Variants in MACO1 observed in about 807,000 individuals in gnomAD.
MACO1 encodes the protein macoilin.
In MACO1, 14 loss-of-function variants were observed where a neutral mutation model predicts 78.7. That is an observed-to-expected ratio of 0.18 (90% CI 0.12 to 0.28). MACO1 has a LOEUF of 0.28. Among genes scored for constraint, MACO1 ranks in the 10% least tolerant of loss-of-function variants. The pLI is 1.00. For missense variants in MACO1, 501 were observed against 799.0 expected, an observed-to-expected ratio of 0.63 and a Z score of 4.50; for synonymous variants, 288 against 291.6, an observed-to-expected ratio of 0.99 and a Z score of 0.12.
intron 10 of MACO1, among the ~76,000 whole-genome samples, chr1:25,492,859 A>G (rs1237136636): frequency 2.0e-5 from 3 of 152,184 alleles, no homozygotes; most frequent in African/African-American, 7.2e-5. Flanking sequence ...AGAATTTTCA[A>G]ATGGTTGACT....
intron 1 of MACO1, among the ~76,000 whole-genome samples, chr1:25,435,779 G>A (rs1000481582): frequency 5.3e-5 from 8 of 152,194 alleles, no homozygotes; most frequent in Admixed American, 3.9e-4. Flanking sequence ...GTTGGGGAAG[G>A]AGAAATTGAA....
At chr1:25,486,270 C>A (rs2043430031) in intron 8 of MACO1, among the ~76,000 whole-genome samples, 1 of 151,958 alleles carries the variant, frequency 6.6e-6, no homozygotes, top group South Asian at 2.1e-4. Context: ...TGGATATCAG[C>A]AAACTGTCAA....
chr1:25,460,752 A>T (rs1042417914), intron 6 of MACO1, among the ~76,000 whole-genome samples: 1 of 151,472 alleles, frequency 6.6e-6, no homozygotes, highest in Non-Finnish European at 1.5e-5. Context: ...TAAGCTGGAG[A>T]TGATGACATG....
chr1:25,453,404 C>G (rs1343571607), intron 3 of MACO1, among the ~76,000 whole-genome samples: 1 of 150,776 alleles, frequency 6.6e-6, no homozygotes, highest in Non-Finnish European at 1.5e-5. Context: ...TGGCTCACGC[C>G]TGTAATCCCA....
intron 6 of MACO1, among the ~76,000 whole-genome samples, chr1:25,466,370 A>G (rs545834061): frequency 3.3e-5 from 5 of 152,204 alleles, no homozygotes; most frequent in African/African-American, 7.2e-5. Flanking sequence ...CTGGAGTGCA[A>G]TGGTGCCATC....
intron 1 of MACO1, among the ~76,000 whole-genome samples, chr1:25,432,769 A>T (rs2042887239): frequency 6.6e-6 from 1 of 152,238 alleles, no homozygotes; most frequent in Non-Finnish European, 1.5e-5. Context: ...GTGGCATTTG[A>T]ATAGCTGCTA....
intron 1 of MACO1, among the ~76,000 whole-genome samples, chr1:25,435,166 A>G (rs2042908638): frequency 6.6e-6 from 1 of 152,180 alleles, no homozygotes; most frequent in Middle Eastern, 3.2e-3. Context: ...GAATGATTTT[A>G]TATCTGTGTT....
chr1:25,461,708 A>G (rs925566050), intron 6 of MACO1, among the ~76,000 whole-genome samples: 5 of 152,292 alleles, frequency 3.3e-5, no homozygotes, highest in African/African-American at 1.2e-4. Context: ...ATTAAAGAAT[A>G]TGGGGAAGTA....
chr1:25,431,980 C>T (rs2042878151), intron 1 of MACO1, among the ~76,000 whole-genome samples: 1 of 151,896 alleles, frequency 6.6e-6, no homozygotes, highest in Non-Finnish European at 1.5e-5. Flanking sequence ...TTCAGTCCAC[C>T]GGTAGAGAAA....
At chr1:25,489,447 T>C (rs1280679309) in intron 9 of MACO1, among the ~76,000 whole-genome samples, 154 bp downstream of exon 9, 1 of 152,262 alleles carries the variant, frequency 6.6e-6, no homozygotes, top group Non-Finnish European at 1.5e-5. Context: ...TTTGAAGTTC[T>C]AATCTTGTCC....
chr1:25,456,307 A>C (rs901122694), intron 4 of MACO1, among the ~76,000 whole-genome samples: 2 of 152,174 alleles, frequency 1.3e-5, no homozygotes, highest in South Asian at 2.1e-4. Flanking sequence ...CTAATGCATA[A>C]GGCAGTTTCT....
At chr1:25,472,322 G>T (rs1198492814) in intron 6 of MACO1, among the ~76,000 whole-genome samples, 3 of 152,056 alleles carry the variant, frequency 2.0e-5, no homozygotes, top group African/African-American at 7.2e-5. Flanking sequence ...CCATCAACCC[G>T]TCATCTACAT....
chr1:25,437,324 G>A lies in MACO1; in HGVS notation c.80+6146G>A, dbSNP rs886574098. ...TTTTTTTTTTTTTTTTTTTTTTTGCGTTTTTGCGTTTTTATAAAGATGGAG... is the reference window on the plus strand; with the variant it reads ...TTTTTTTTTTTTTTTTTTTTTTTGCATTTTTGCGTTTTTATAAAGATGGAG... On this transcript the variant is annotated intron_variant, in intron 1 of 10. Transcript: ENST00000374343. Among the ~76,000 whole-genome samples, 5 of 93,748 alleles carry A rather than the reference G, an allele frequency of 5.3e-5. No individual in the cohort carries two copies. In the South Asian group the frequency reaches 9.3e-4, roughly 17 times the overall value. The allele number at this position is 93,748 out of a possible 152,430, so 61.5% of individuals were successfully genotyped here.
At position 25,485,370 on chromosome 1, in the gene MACO1, T is replaced by A. The variant is rs1467898488; in HGVS notation, c.1314-243T>A. Among the ~76,000 whole-genome samples the A allele has an allele frequency of 2.0e-5, 3 of 152,214 alleles. No homozygotes were observed. The highest frequency in any genetic ancestry group is 4.4e-5 in the Non-Finnish European group (3 of 68,036). On this transcript the variant is annotated intron_variant, in intron 7 of 10. Coordinates refer to ENST00000374343, the MANE Select transcript of MACO1 (RefSeq NM_018202.6). The surrounding 1 kb of genome is among the most constrained non-coding windows in gnomAD (Gnocchi z 4.3). ...TCTGGATGACCTTTTGTAGATCACT[T>A]ACTTGAACAGAGCAGAGGCTAGGTC...
chr1:25,457,226 C>T (rs2043129613), intron 5 of MACO1, among the ~76,000 whole-genome samples: 1 of 151,894 alleles, frequency 6.6e-6, no homozygotes, highest in South Asian at 2.1e-4. Context: ...CCTCCTCAGC[C>T]TCCTGAGCAG....
intron 4 of MACO1, among the ~76,000 whole-genome samples, chr1:25,456,224 C>T (rs1293538082): frequency 6.6e-6 from 1 of 150,738 alleles, no homozygotes; most frequent in African/African-American, 2.5e-5. Context: ...CACCACTGCA[C>T]TCCAGCCTGG....
At chr1:25,431,346 C>A (rs1344243565) in intron 1 of MACO1, among the ~76,000 whole-genome samples, 168 bp downstream of exon 1, 2 of 146,722 alleles carry the variant, frequency 1.4e-5, no homozygotes, top group Non-Finnish European at 3.0e-5. Flanking sequence ...GGGTCCGCCC[C>A]GGGTGCGCGG....
chr1:25,446,624 C>G, intron 1 of MACO1, 138 bp from the exon 2 acceptor site: 2 of 856,946 alleles, frequency 2.3e-6, no homozygotes, highest in Non-Finnish European at 3.4e-6. Flanking sequence ...GGCAGCATCT[C>G]TTTTTTGTGC....
At chr1:25,479,281 A>G (rs954908267) in intron 6 of MACO1, among the ~76,000 whole-genome samples, 4 of 152,210 alleles carry the variant, frequency 2.6e-5, no homozygotes, top group Admixed American at 1.3e-4. Context: ...TAAATTATAT[A>G]TCTGTATTTT....
Sources: allele counts gnomAD v4.1 joint callset (sites outside exome capture counted in the v4.1 genomes callset), GRCh38; gene constraint gnomAD v4.1.1; non-coding constraint Gnocchi (gnomAD v3.1); transcripts MANE v1.5; gene names NCBI Gene and HGNC (gene_info 2026-07-23, HGNC 2026-07-21).